TTC7B: variants seen among roughly 807,000 people sequenced by gnomAD.
TTC7B encodes tetratricopeptide repeat protein 7B.
TTC7B carries 28 observed loss-of-function variants against 106.8 expected under a neutral mutation model. The observed-to-expected ratio is 0.26, with a 90% CI of 0.19 to 0.36. The LOEUF (loss-of-function observed/expected upper bound fraction) is 0.36. Among genes scored for constraint, TTC7B ranks in the 10% least tolerant of loss-of-function variants. TTC7B has a pLI of 1.00. For missense variants in TTC7B, 862 were observed against 1,076.4 expected (o/e 0.80, Z 2.79); for synonymous variants, 405 against 430.6 (o/e 0.94, Z 0.74).
chr14:90,734,202 C>T (rs577201075), intron 4 of TTC7B, among the ~76,000 whole-genome samples: 3 of 152,036 alleles, frequency 2.0e-5, no homozygotes, highest in African/African-American at 7.2e-5. Context: ...GTGGATTCCT[C>T]GAGCTCAGGA....
chr14:90,737,385 G>A (rs1889576339), intron 4 of TTC7B, among the ~76,000 whole-genome samples: 1 of 152,042 alleles, frequency 6.6e-6, no homozygotes, highest in Non-Finnish European at 1.5e-5. Flanking sequence ...ATCAATTGGT[G>A]AATGGATAAA....
chr14:90,590,973 G>C (rs1313059276), intron 18 of TTC7B, among the ~76,000 whole-genome samples: 11 of 152,212 alleles, frequency 7.2e-5, no homozygotes, highest in Admixed American at 7.2e-4. Context: ...TTGCTAGGAA[G>C]GAGAACTTGA....
At chr14:90,728,336 G>T (rs934921102) in intron 5 of TTC7B, among the ~76,000 whole-genome samples, 2 of 15,712 alleles carry the variant, frequency 1.3e-4, no homozygotes, top group East Asian at 4.5e-3. Flanking sequence ...CGTCCCCCCC[G>T]CAAAAAAAAA....
At chr14:90,566,325 C>G (rs1221497981) in intron 19 of TTC7B, among the ~76,000 whole-genome samples, 2 of 147,300 alleles carry the variant, frequency 1.4e-5, no homozygotes, top group Admixed American at 1.4e-4. Context: ...GCATGGGGAA[C>G]AAAAGTGAAA....
chr14:90,775,795 C>T (rs1030723162), intron 3 of TTC7B, among the ~76,000 whole-genome samples: 9 of 152,056 alleles, frequency 5.9e-5, no homozygotes, highest in Non-Finnish European at 1.0e-4. Flanking sequence ...GGGAGATGAC[C>T]GTGCTGGCCC....
chr14:90,644,275 A>ACACATT, intron 14 of TTC7B, 67 bp from the exon 15 acceptor site: 1 of 1,258,832 alleles, frequency 7.9e-7, no homozygotes, highest in African/African-American at 1.9e-5. Context: ...ACACACACAC[A>ACACATT]CACACGCGCG....
At chr14:90,694,646 T>A (rs866285572) in intron 6 of TTC7B, among the ~76,000 whole-genome samples, 3 of 144,608 alleles carry the variant, frequency 2.1e-5, no homozygotes, top group Non-Finnish European at 4.5e-5. Flanking sequence ...ATAACACATA[T>A]GTCACATATA....
chr14:90,780,180 G>A (rs1268878759), intron 3 of TTC7B, among the ~76,000 whole-genome samples: 10 of 152,204 alleles, frequency 6.6e-5, no homozygotes, highest in South Asian at 6.2e-4. Context: ...TCAGGAGTTC[G>A]AGACCAGCCT....
rs1290810244 is a variant in TTC7B, at chr14:90,687,099, T to C, written c.950+2441A>G. Reference sequence around the variant, plus strand: ...AGAGGTGCTGGGTTCATTTTGGGGGTAATAAAAATGTTCCAATCATGGCGA... The same window carrying C: ...AGAGGTGCTGGGTTCATTTTGGGGGCAATAAAAATGTTCCAATCATGGCGA... On this transcript the variant is annotated intron_variant, in intron 7 of 19. Transcript: ENST00000328459. Among the ~76,000 whole-genome samples, 3 of 150,702 alleles carry C rather than the reference T, an allele frequency of 2.0e-5. No individual in the cohort carries two copies. The East Asian group carries it at 5.8e-4, about 29-fold the overall frequency.
chr14:90,726,883 A>C (rs1008152009), intron 5 of TTC7B, among the ~76,000 whole-genome samples: 1 of 152,182 alleles, frequency 6.6e-6, no homozygotes, highest in African/African-American at 2.4e-5. Flanking sequence ...AATAGATGTG[A>C]AATGGATCTG....
chr14:90,646,721 T>C, intron 14 of TTC7B: 1 of 524,548 alleles, frequency 1.9e-6, no homozygotes. Context: ...CCTCCAGCTG[T>C]GTGGATTTAA....
At chr14:90,660,423 A>G (rs1383278602) in intron 9 of TTC7B, among the ~76,000 whole-genome samples, 1 of 137,844 alleles carries the variant, frequency 7.3e-6, no homozygotes, top group Non-Finnish European at 1.6e-5. Context: ...AAAAAAAAAG[A>G]AAAGAAAAGA....
At chr14:90,813,696 G>T (rs959597728) in intron 1 of TTC7B, among the ~76,000 whole-genome samples, 12 of 149,206 alleles carry the variant, frequency 8.0e-5, no homozygotes, top group African/African-American at 3.0e-4. Flanking sequence ...TTCGCCTGTG[G>T]TTGTTTTCAT....
At chr14:90,561,912 G>T (rs983609106) in intron 19 of TTC7B, among the ~76,000 whole-genome samples, 1 of 152,178 alleles carries the variant, frequency 6.6e-6, no homozygotes, top group Non-Finnish European at 1.5e-5. Flanking sequence ...CTGAAAAAAC[G>T]TATGAACATC....
Position 90,663,803 on chromosome 14 carries a change from G to A in TTC7B, c.1153-5416C>T, listed in dbSNP as rs1739901027. ...TCCACCCCAATTCAGAGGTGTGTGA[G>A]CTCTGGCATCACAGCCGATGGCGCT... On this transcript the variant is annotated intron_variant, in intron 9 of 19. Coordinates refer to ENST00000328459, the MANE Select transcript of TTC7B (RefSeq NM_001010854.2). This position sits in a 1 kb window ranked among gnomAD's most constrained non-coding sequence, Gnocchi z 4.5. Among the ~76,000 whole-genome samples, 1 of 152,210 alleles carries A rather than the reference G, an allele frequency of 6.6e-6. No individual in the cohort carries two copies. Among genetic ancestry groups the A allele is most frequent in the Non-Finnish European group, 1.5e-5 (1 of 68,044 alleles).
At chr14:90,816,131 C>A in intron 1 of TTC7B, 44 bp downstream of exon 1, 4 of 1,071,168 alleles carry the variant, frequency 3.7e-6, no homozygotes, top group Non-Finnish European at 4.6e-6. Flanking sequence ...CCCGCGGAGG[C>A]CGCGGCGCCC....
chr14:90,654,422 T>C (rs917440988), intron 12 of TTC7B, among the ~76,000 whole-genome samples: 4 of 152,146 alleles, frequency 2.6e-5, no homozygotes, highest in Admixed American at 2.0e-4. Context: ...GTATACAAGA[T>C]TTTTTCTTAG....
chr14:90,756,012 C>T (rs1890281455), intron 3 of TTC7B, among the ~76,000 whole-genome samples: 1 of 152,356 alleles, frequency 6.6e-6, no homozygotes, highest in Non-Finnish European at 1.5e-5. Flanking sequence ...CCCATATTCC[C>T]ACCGTTCAAA....
intron 1 of TTC7B, among the ~76,000 whole-genome samples, chr14:90,800,761 A>G (rs570905541): frequency 6.6e-6 from 1 of 151,976 alleles, no homozygotes; most frequent in South Asian, 2.1e-4. Context: ...CAGTGAGCCA[A>G]GATTGCGCCA....
Sources: allele counts gnomAD v4.1 joint callset (sites outside exome capture counted in the v4.1 genomes callset), GRCh38; gene constraint gnomAD v4.1.1; non-coding constraint Gnocchi (gnomAD v3.1); transcripts MANE v1.5; gene names NCBI Gene and HGNC (gene_info 2026-07-23, HGNC 2026-07-21).